The following L3MBTL4 variants were observed in gnomAD, a reference collection of about 807,000 sequenced individuals.
L3MBTL4 encodes L3MBTL histone methyl-lysine binding protein 4, also known as lethal(3)malignant brain tumor-like protein 4.
In L3MBTL4, 70 loss-of-function variants were observed where a neutral mutation model predicts 84.5. The ratio of observed to expected loss-of-function variants is 0.83; its 90% CI spans 0.68 to 1.01. L3MBTL4 has a LOEUF of 1.01. Ranked by LOEUF, L3MBTL4 falls within the 50% of genes least tolerant of loss-of-function variation. The pLI is 0.00. For missense variants in L3MBTL4, 715 were observed against 754.8 expected (o/e 0.95, Z 0.62); for synonymous variants, 274 against 259.8 (o/e 1.05, Z -0.52).
At chr18:6,253,720 A>G (rs1282679931) in intron 5 of L3MBTL4, among the ~76,000 whole-genome samples, 2 of 152,244 alleles carry the variant, frequency 1.3e-5, no homozygotes, top group East Asian at 1.9e-4. Flanking sequence ...TTACAGCTCC[A>G]ATGTTCTTCC....
At chr18:6,259,395 A>G (rs148193362) in intron 5 of L3MBTL4, 1 of 152,184 alleles carries the variant, frequency 6.6e-6, no homozygotes, top group African/African-American at 2.4e-5. Flanking sequence ...TTTTGACTTT[A>G]TAATAATAAG....
At chr18:6,315,953 A>G (rs1207359607) in intron 1 of L3MBTL4, among the ~76,000 whole-genome samples, 1 of 152,136 alleles carries the variant, frequency 6.6e-6, no homozygotes, top group Non-Finnish European at 1.5e-5. Flanking sequence ...AGAATAGCAC[A>G]GGAAGTCCCA....
chr18:6,392,300 G>A (rs367894310), intron 1 of L3MBTL4, among the ~76,000 whole-genome samples: 13 of 152,338 alleles, frequency 8.5e-5, no homozygotes, highest in African/African-American at 3.1e-4. Context: ...CGCAATCCCA[G>A]CACTTTAGGA....
chr18:6,081,981 C>A (rs1172067703), intron 15 of L3MBTL4, among the ~76,000 whole-genome samples: 3 of 152,182 alleles, frequency 2.0e-5, no homozygotes, highest in Admixed American at 2.0e-4. Flanking sequence ...GTGGAGCATA[C>A]TAACCACATG....
intron 14 of L3MBTL4, among the ~76,000 whole-genome samples, chr18:6,117,084 C>T (rs1431846328): frequency 6.6e-6 from 1 of 152,226 alleles, no homozygotes; most frequent in Non-Finnish European, 1.5e-5. Flanking sequence ...TGTCTGGCTG[C>T]AGCTTATTCC....
intron 4 of L3MBTL4, among the ~76,000 whole-genome samples, chr18:6,272,090 G>C (rs569524487): frequency 7.9e-5 from 12 of 152,174 alleles, no homozygotes; most frequent in Admixed American, 4.6e-4. Context: ...ATCAGGAGAC[G>C]GGACGTCTCA....
chr18:6,329,040 C>G (rs2051874705), intron 1 of L3MBTL4, among the ~76,000 whole-genome samples: 1 of 152,150 alleles, frequency 6.6e-6, no homozygotes, highest in Non-Finnish European at 1.5e-5. Flanking sequence ...AGAAACAGAA[C>G]ATGTGAATGT....
intron 12 of L3MBTL4, among the ~76,000 whole-genome samples, chr18:6,185,201 G>A (rs1213891673): frequency 2.0e-5 from 3 of 152,156 alleles, no homozygotes; most frequent in Non-Finnish European, 1.5e-5. Context: ...ATTGATTTAG[G>A]AGTCATAAAC....
chr18:6,376,311 C>T (rs985467062), intron 1 of L3MBTL4, among the ~76,000 whole-genome samples: 1 of 152,236 alleles, frequency 6.6e-6, no homozygotes, highest in Non-Finnish European at 1.5e-5. Flanking sequence ...TGAAAATTAT[C>T]CACAGTAGCA....
intron 12 of L3MBTL4, among the ~76,000 whole-genome samples, chr18:6,184,092 T>TA (rs1463709702): frequency 6.6e-6 from 1 of 152,154 alleles, no homozygotes; most frequent in Non-Finnish European, 1.5e-5. Context: ...CACACAGAGA[T>TA]GTACTTACAA....
rs1480030062 is a variant in L3MBTL4, at chr18:6,407,676, A to G, written c.-91+7125T>C. ...CACACAGAATCCCAAAATGTTAGGA[A>G]TTTTGTAAGATTTCTTTCCTGAGTA... On this transcript the variant is annotated intron_variant, in intron 1 of 18. Coordinates refer to ENST00000317931, the MANE Select transcript of L3MBTL4 (RefSeq NM_001330559.2). 4.6e-5 allele frequency among the ~76,000 whole-genome samples: 7 copies of G among 152,222 alleles called. No individual in the cohort carries two copies. The South Asian group carries it at 6.2e-4, about 14-fold the overall frequency.
At chr18:6,125,322 T>C (rs531972186) in intron 14 of L3MBTL4, among the ~76,000 whole-genome samples, 5 of 152,368 alleles carry the variant, frequency 3.3e-5, no homozygotes, top group Non-Finnish European at 7.3e-5. Context: ...GTTATAATTT[T>C]AACAATAACT....
At chr18:6,409,742 G>A (rs899270680) in intron 1 of L3MBTL4, among the ~76,000 whole-genome samples, 4 of 152,162 alleles carry the variant, frequency 2.6e-5, no homozygotes, top group African/African-American at 7.2e-5. Context: ...ACAGTGCTGA[G>A]TGCCTGACAC....
At chr18:6,144,011 C>T (rs1175690232) in intron 13 of L3MBTL4, among the ~76,000 whole-genome samples, 1 of 152,054 alleles carries the variant, frequency 6.6e-6, no homozygotes, top group South Asian at 2.1e-4. Flanking sequence ...TCCTGGCTAA[C>T]ACGGTGAAAC....
intron 1 of L3MBTL4, among the ~76,000 whole-genome samples, chr18:6,367,949 C>G (rs1002059056): frequency 6.6e-6 from 1 of 152,078 alleles, no homozygotes; most frequent in African/African-American, 2.4e-5. Context: ...TCACAAAGCT[C>G]GTGAAACATG....
intron 12 of L3MBTL4, among the ~76,000 whole-genome samples, chr18:6,211,612 T>C (rs1038780857): frequency 6.6e-6 from 1 of 152,158 alleles, no homozygotes; most frequent in Non-Finnish European, 1.5e-5. Context: ...TCAGATTTGA[T>C]GTGCTATTAT....
At chr18:6,239,591 C>T in intron 9 of L3MBTL4, 127 bp downstream of exon 9, 2 of 872,172 alleles carry the variant, frequency 2.3e-6, no homozygotes, top group Non-Finnish European at 1.8e-6. Context: ...AATGAACAGT[C>T]AACCACCAAA....
intron 16 of L3MBTL4, among the ~76,000 whole-genome samples, chr18:6,051,065 G>C (rs952340052): frequency 6.6e-6 from 1 of 152,132 alleles, no homozygotes; most frequent in African/African-American, 2.4e-5. Flanking sequence ...GGCACATCCC[G>C]CAGAACTCCT....
intron 1 of L3MBTL4, among the ~76,000 whole-genome samples, chr18:6,312,610 G>A (rs1253441126): frequency 6.6e-6 from 1 of 152,110 alleles, no homozygotes; most frequent in Non-Finnish European, 1.5e-5. Context: ...ACCTGCCACT[G>A]GCCTGCATCA....
Sources: allele counts gnomAD v4.1 joint callset (sites outside exome capture counted in the v4.1 genomes callset), GRCh38; gene constraint gnomAD v4.1.1; transcripts MANE v1.5; gene names NCBI Gene and HGNC (gene_info 2026-07-23, HGNC 2026-07-21).